MTA3: variants seen among roughly 807,000 people sequenced by gnomAD.
MTA3 encodes the protein metastasis associated 1 family member 3, also known as metastasis-associated protein MTA3.
In MTA3, 34 loss-of-function variants were observed where a neutral mutation model predicts 83.5. The observed-to-expected ratio is 0.41, with a 90% CI of 0.31 to 0.54. The LOEUF (loss-of-function observed/expected upper bound fraction) is 0.54, where lower values mean the gene tolerates loss of function less well. Among genes scored for constraint, MTA3 ranks in the 20% least tolerant of loss-of-function variants. The pLI is 0.33. For synonymous variants in MTA3, 303 were observed against 252.7 expected, an observed-to-expected ratio of 1.20 and a Z score of -1.89; for missense variants, 761 against 726.4, an observed-to-expected ratio of 1.05 and a Z score of -0.55.
intron 2 of MTA3, among the ~76,000 whole-genome samples, chr2:42,543,674 C>T (rs1327040597): frequency 1.5e-4 from 19 of 130,656 alleles, no homozygotes; most frequent in African/African-American, 5.6e-4. Flanking sequence ...TTTGTACAGA[C>T]AGGGTCTTAC....
intron 8 of MTA3, among the ~76,000 whole-genome samples, chr2:42,677,501 C>T (rs1213166754): frequency 1.3e-5 from 2 of 152,042 alleles, no homozygotes; most frequent in African/African-American, 2.4e-5. Context: ...TGCCACCATG[C>T]CTGGCTGATT....
chr2:42,702,565 A>G (rs1011027691), intron 11 of MTA3: 2 of 152,256 alleles, frequency 1.3e-5, no homozygotes, highest in African/African-American at 4.8e-5. Context: ...ATATGGGAAG[A>G]CAGCATATAA....
chr2:42,617,692 C>T (rs986094397), intron 4 of MTA3, among the ~76,000 whole-genome samples: 1 of 151,912 alleles, frequency 6.6e-6, no homozygotes, highest in Non-Finnish European at 1.5e-5. Context: ...AGGAGAATCA[C>T]TTGAACCCGG....
chr2:42,670,905 CTTGTTACAGTACTGTTGTCT>C (rs1227066224), intron 8 of MTA3, among the ~76,000 whole-genome samples: 1 of 151,802 alleles, frequency 6.6e-6, no homozygotes, highest in Admixed American at 6.6e-5. Flanking sequence ...GGAAATTAAC[CTTGTTACAGTACTGTTGTCT>C]AATCTAGAGA....
At chr2:42,631,322 T>C (rs1387980523) in intron 4 of MTA3, among the ~76,000 whole-genome samples, 1 of 152,198 alleles carries the variant, frequency 6.6e-6, no homozygotes, top group African/African-American at 2.4e-5. Context: ...ATAGTGTACA[T>C]GTTTAGCATG....
In MTA3 at chr2:42,498,384, ATTG is replaced by A. The variant is rs1405252136; in HGVS notation, c.-141+3136_-141+3138del. On this transcript the variant is annotated intron_variant, in intron 2 of 17. Transcript: ENST00000405592. ...GCTGAATGGTAGAAAGGAGAGCTTTATTGTTGTTATCAGTTTGCAAGCCAGGAA... is the reference window on the plus strand; with the variant it reads ...GCTGAATGGTAGAAAGGAGAGCTTTATTGTTATCAGTTTGCAAGCCAGGAA... 2.6e-5 allele frequency among the ~76,000 whole-genome samples: 4 copies of A among 152,168 alleles called. No homozygotes were observed. The East Asian group carries it at 5.8e-4, about 22-fold the overall frequency.
chr2:42,526,589 C>A (rs1277949470), intron 2 of MTA3, among the ~76,000 whole-genome samples: 1 of 152,156 alleles, frequency 6.6e-6, no homozygotes, highest in African/African-American at 2.4e-5. Context: ...CCTCTATGAT[C>A]CCCTATTTTG....
At chr2:42,529,907 G>C (rs1056393477) in intron 2 of MTA3, among the ~76,000 whole-genome samples, 17 of 152,178 alleles carry the variant, frequency 1.1e-4, no homozygotes, top group African/African-American at 4.1e-4. Flanking sequence ...ATTACAATCG[G>C]ACAGGCGCGG....
chr2:42,617,271 C>T (rs1417317169), intron 4 of MTA3, among the ~76,000 whole-genome samples: 2 of 152,132 alleles, frequency 1.3e-5, no homozygotes, highest in Admixed American at 6.6e-5. Flanking sequence ...ACCCTTTGAG[C>T]CAGCAATTCT....
intron 10 of MTA3, 75 bp downstream of exon 10, chr2:42,695,914 C>A: frequency 4.2e-6 from 4 of 953,758 alleles, no homozygotes; most frequent in Non-Finnish European, 6.2e-6. Flanking sequence ...TATTTTTTGG[C>A]GATGTACTAC....
At chr2:42,584,489 A>G (rs1680034179) in intron 3 of MTA3, among the ~76,000 whole-genome samples, 1 of 152,194 alleles carries the variant, frequency 6.6e-6, no homozygotes, top group Non-Finnish European at 1.5e-5. Context: ...TATATAATGC[A>G]AATATACATA....
chr2:42,535,124 C>T (rs1253089822), intron 2 of MTA3, among the ~76,000 whole-genome samples: 3 of 151,758 alleles, frequency 2.0e-5, no homozygotes, highest in Middle Eastern at 3.4e-3. Flanking sequence ...CGGTGGCTCA[C>T]GCCTGTAATC....
intron 11 of MTA3, chr2:42,703,173 G>A (rs1260789890): frequency 3.3e-5 from 5 of 152,206 alleles, no homozygotes; most frequent in Admixed American, 3.3e-4. Flanking sequence ...GTGTTGCCCA[G>A]GCTGGTCTCC....
chr2:42,495,988 G>T (rs1161324748), intron 2 of MTA3, among the ~76,000 whole-genome samples: 1 of 152,174 alleles, frequency 6.6e-6, no homozygotes, highest in Non-Finnish European at 1.5e-5. Flanking sequence ...TTGATACCAA[G>T]AGCCAATTCA....
At chr2:42,567,231 C>G (rs1465521497), upstream of MTA3, among the ~76,000 whole-genome samples, 1 of 152,200 alleles carries the variant, frequency 6.6e-6, no homozygotes, top group Non-Finnish European at 1.5e-5. Flanking sequence ...GCAACTGATC[C>G]TTACCACACC....
At chr2:42,655,843 TCTGTCTGC>T (rs1224567909) in intron 6 of MTA3, among the ~76,000 whole-genome samples, 14 of 152,238 alleles carry the variant, frequency 9.2e-5, no homozygotes, top group Non-Finnish European at 1.6e-4. Flanking sequence ...CCTCAAGTGA[TCTGTCTGC>T]CTCGGCCTCC....
rs149739658 is a variant in MTA3 at position 42,631,130 on chromosome 2, A to G, written c.318-9043A>G. Among the ~76,000 whole-genome samples, 750 of 152,316 alleles carry G rather than the reference A, an allele frequency of 4.9e-3. 4 individuals are homozygous for G. The highest frequency in any genetic ancestry group is 7.2e-3 in the Non-Finnish European group (490 of 68,028). On this transcript the variant is annotated intron_variant, in intron 4 of 16. Transcript: ENST00000405094. ...GCTTTTGTAATTTTTTTGGTAATCTATACATAAAATTTGAATTAGCCAAAA... is the reference window on the plus strand; with the variant it reads ...GCTTTTGTAATTTTTTTGGTAATCTGTACATAAAATTTGAATTAGCCAAAA...
At chr2:42,529,659 G>A (rs1675868416) in intron 2 of MTA3, among the ~76,000 whole-genome samples, 1 of 152,194 alleles carries the variant, frequency 6.6e-6, no homozygotes, top group Non-Finnish European at 1.5e-5. Context: ...GGTAGCAGCG[G>A]TGTGAGACAG....
intron 9 of MTA3, among the ~76,000 whole-genome samples, chr2:42,686,740 T>C (rs1167667510): frequency 6.6e-6 from 1 of 151,868 alleles, no homozygotes; most frequent in Non-Finnish European, 1.5e-5. Flanking sequence ...GGCAGGAGAA[T>C]CGCTGGAACC....
Sources: gnomAD v4.1 joint callset for allele counts (sites outside exome capture counted in the v4.1 genomes callset) on GRCh38, gnomAD v4.1.1 for gene constraint, MANE v1.5 for transcripts, NCBI Gene and HGNC (gene_info 2026-07-23, HGNC 2026-07-21) for gene names.